The following TMEM196 variants were observed in gnomAD, a reference collection of about 807,000 sequenced individuals.
TMEM196 encodes the protein transmembrane protein 196.
TMEM196 carries 17 observed loss-of-function variants against 20.0 expected under a neutral mutation model. That is an observed-to-expected ratio of 0.85 (90% confidence interval 0.58 to 1.27). The LOEUF (loss-of-function observed/expected upper bound fraction) is 1.27. Ranked by LOEUF, TMEM196 falls within the 50% of genes most tolerant of loss-of-function variation. TMEM196 has a pLI of 0.00. For missense variants in TMEM196, 267 were observed against 223.0 expected (o/e 1.20, Z -1.26); for synonymous variants, 113 against 88.9 (o/e 1.27, Z -1.52).
At chr7:19,755,733 C>G (rs1785183142) in intron 1 of TMEM196, among the ~76,000 whole-genome samples, 1 of 152,124 alleles carries the variant, frequency 6.6e-6, no homozygotes, top group African/African-American at 2.4e-5. Flanking sequence ...AATGTCTTAG[C>G]AAAACAAAAT....
chr7:19,734,072 C>T (rs141496005), intron 1 of TMEM196, among the ~76,000 whole-genome samples: 60 of 152,082 alleles, frequency 3.9e-4, no homozygotes, highest in African/African-American at 1.4e-3. Flanking sequence ...GGGGCACTCA[C>T]ATCAAAAAAA....
intron 1 of TMEM196, among the ~76,000 whole-genome samples, chr7:19,751,686 A>G (rs927289850): frequency 8.5e-5 from 13 of 152,226 alleles, no homozygotes; most frequent in African/African-American, 2.9e-4. Context: ...TTATTATTAA[A>G]ATTTTATAAC....
At position 19,725,668 on chromosome 7, in the gene TMEM196, G is replaced by A; in HGVS notation, c.305C>T (p.Pro102Leu). 1.2e-6 allele frequency: 2 copies of A among 1,614,104 alleles called. No individual in the cohort carries two copies. Among genetic ancestry groups the A allele is most frequent in the Non-Finnish European group, 1.7e-6 (2 of 1,179,968 alleles). ...GAGAGACATGGAGGCAAGGTGCAGT[G>A]GGTATAGGGAGGAAGTTTTCTTTGT... ...AVTKKTSSLY[P>L]LHLASMSLAC... The change falls in exon 3 of 5, where the codon CCA becomes CTA. Residue 102 changes from proline to leucine, a missense_variant. Transcript: ENST00000405844.
At chr7:19,734,094 A>G (rs1784310333) in intron 1 of TMEM196, among the ~76,000 whole-genome samples, 1 of 152,288 alleles carries the variant, frequency 6.6e-6, no homozygotes, top group South Asian at 2.1e-4. Flanking sequence ...TTTCCAGCAC[A>G]TAAGCACAAG....
At chr7:19,757,603 C>G (rs1785271144) in intron 1 of TMEM196, among the ~76,000 whole-genome samples, 1 of 151,938 alleles carries the variant, frequency 6.6e-6, no homozygotes, top group Non-Finnish European at 1.5e-5. Context: ...TTCTGTAGGT[C>G]TGAGGGTCTA....
At chr7:19,759,111 C>T (rs1021767319) in intron 1 of TMEM196, among the ~76,000 whole-genome samples, 1 of 152,174 alleles carries the variant, frequency 6.6e-6, no homozygotes, top group Non-Finnish European at 1.5e-5. Context: ...TGCTCTATCT[C>T]TACACGGAAC....
Position 19,723,597 on chromosome 7 carries a change from A to G in TMEM196, c.533+683T>C, listed in dbSNP as rs187397479. Among the ~76,000 whole-genome samples the G allele has an allele frequency of 4.1e-4, 62 of 152,274 alleles. 1 individual carries two copies. In the East Asian group the frequency reaches 8.5e-3, roughly 21 times the overall value. On this transcript the variant is annotated intron_variant, in intron 4 of 4. Transcript: ENST00000405844. ...GAGTGAGTCTCCAGTTTGCAAAAAA[A>G]TTTGCAAATAGGCATGCTTAATTTA...
chr7:19,757,277 G>C (rs1206894389), intron 1 of TMEM196, among the ~76,000 whole-genome samples: 1 of 145,898 alleles, frequency 6.9e-6, no homozygotes, highest in Non-Finnish European at 1.5e-5. Flanking sequence ...AGGTTCAAGC[G>C]ATTCTCTCAT....
rs150367274 is a variant in TMEM196 at position 19,720,179 on chromosome 7, C to A, written c.*1949G>T. On this transcript the variant is annotated 3_prime_UTR_variant, in exon 5 of 5. Transcript: ENST00000405844. ...GATGTTGATTCACTATATGAGGTTG[C>A]ATTTATGGACAACTTCTGTAATCTA... The A allele has an allele frequency of 1.7e-3, 254 of 152,040 alleles. No homozygotes were observed. The highest frequency in any genetic ancestry group is 5.9e-3 in the African/African-American group (246 of 41,522). 9.4% of individuals were successfully genotyped at this position (152,040 alleles called of 1,614,324 possible).
In TMEM196 at chr7:19,772,973, A is replaced by G; in HGVS notation, c.-277T>C. On this transcript the variant is annotated 5_prime_UTR_variant, in exon 1 of 5. Transcript: ENST00000405844. ...GGTGGTGCGAAGATTGCACACCGGT[A>G]CCGGGGCTTTTAAGCAGCGGAAAAC... The G allele has an allele frequency of 3.3e-6, 1 of 299,558 alleles. No homozygotes were observed. The highest frequency in any genetic ancestry group is 5.1e-5 in the Admixed American group (1 of 19,460). 18.6% of individuals were successfully genotyped at this position (299,558 alleles called of 1,614,324 possible). A position where few individuals can be genotyped will look rare whatever the true frequency, so the allele number is the denominator to read the frequency against.
chr7:19,732,587 A>C (rs1248071205), intron 1 of TMEM196, among the ~76,000 whole-genome samples: 3 of 104,568 alleles, frequency 2.9e-5, no homozygotes, highest in Non-Finnish European at 6.1e-5. Flanking sequence ...AAAAAAAACA[A>C]AAAAAAAAAA....
chr7:19,728,659 G>T (rs761687096), intron 2 of TMEM196, among the ~76,000 whole-genome samples: 5 of 152,110 alleles, frequency 3.3e-5, no homozygotes, highest in African/African-American at 1.2e-4. Flanking sequence ...TTGCCAATTT[G>T]TGTCTATGTT....
chr7:19,764,897 A>G (rs1785565668), intron 1 of TMEM196, among the ~76,000 whole-genome samples: 1 of 152,130 alleles, frequency 6.6e-6, no homozygotes, highest in African/African-American at 2.4e-5. Context: ...AAGGGTGGGG[A>G]GCAAATAATG....
chr7:19,725,617 G>C lies in TMEM196; in HGVS notation c.356C>G (p.Thr119Ser), dbSNP rs1269850448. The C allele has an allele frequency of 9.9e-6, 16 of 1,614,010 alleles. No homozygotes were observed. The highest frequency in any genetic ancestry group is 5.3e-5 in the African/African-American group (4 of 74,914). The stretch of plus-strand genomic sequence containing the variant: ...TCGACAAGTGAGCCAGGAAGAGAGA[G>C]TGCAGCCCCCGATCCCAATGCACGC... ...SLACIGIGGC[T>S]LSSWLTCRLA... Residue 119 changes from threonine (T) to serine (S), a missense_variant, in exon 3 of 5, where the codon ACT becomes AGT. Coordinates refer to ENST00000405844, the MANE Select transcript of TMEM196 (RefSeq NM_001363562.2).
At chr7:19,741,171 C>A (rs915353403) in intron 1 of TMEM196, among the ~76,000 whole-genome samples, 3 of 152,118 alleles carry the variant, frequency 2.0e-5, no homozygotes, top group African/African-American at 7.2e-5. Context: ...TCTAAGAAAC[C>A]ATTTCAAACC....
chr7:19,756,810 G>GTA (rs1785237230), intron 1 of TMEM196, among the ~76,000 whole-genome samples: 1 of 152,050 alleles, frequency 6.6e-6, no homozygotes, highest in Admixed American at 6.6e-5. Flanking sequence ...AGTATCCCAG[G>GTA]TATATATGAA....
chr7:19,723,442 T>C (rs1201617305), intron 4 of TMEM196, among the ~76,000 whole-genome samples: 2 of 152,196 alleles, frequency 1.3e-5, no homozygotes, highest in Non-Finnish European at 2.9e-5. Context: ...ATATTAACCT[T>C]TTATTGCAGA....
intron 1 of TMEM196, among the ~76,000 whole-genome samples, chr7:19,753,330 A>G (rs1785066287): frequency 6.6e-6 from 1 of 152,178 alleles, no homozygotes; most frequent in African/African-American, 2.4e-5. Flanking sequence ...ACTCCCACTC[A>G]GAATAAATCA....
chr7:19,725,450 C>A (rs1367343418), intron 3 of TMEM196, 64 bp downstream of exon 3: 2 of 1,499,986 alleles, frequency 1.3e-6, no homozygotes, highest in Non-Finnish European at 1.8e-6. Flanking sequence ...CAAGTTGATT[C>A]ACCCAGAGTG....
Sources: allele counts gnomAD v4.1 joint callset (sites outside exome capture counted in the v4.1 genomes callset), GRCh38; gene constraint gnomAD v4.1.1; transcripts MANE v1.5; gene names NCBI Gene and HGNC (gene_info 2026-07-23, HGNC 2026-07-21).